Variants in KLHDC1 observed in about 807,000 individuals in gnomAD.
KLHDC1 encodes the protein kelch domain-containing protein 1.
In KLHDC1, 53 loss-of-function variants were observed where a neutral mutation model predicts 68.3. That is an observed-to-expected ratio of 0.78 (90% confidence interval 0.62 to 0.98). KLHDC1 has a LOEUF of 0.98. Among genes scored for constraint, KLHDC1 ranks in the 50% least tolerant of loss-of-function variants. The pLI, the probability that KLHDC1 is intolerant of heterozygous loss-of-function variation, is 0.00. For synonymous variants in KLHDC1, 148 were observed against 159.0 expected (o/e 0.93, Z 0.52); for missense variants, 470 against 492.3 (o/e 0.95, Z 0.43).
intron 1 of KLHDC1, chr14:49,707,913 C>G (rs1316797562): frequency 6.6e-6 from 1 of 151,966 alleles, no homozygotes; most frequent in Non-Finnish European, 1.5e-5. Context: ...GCCTTGGCCT[C>G]CCAAAGTGCT....
intron 12 of KLHDC1, among the ~76,000 whole-genome samples, chr14:49,747,909 A>T (rs570883582): frequency 6.6e-6 from 1 of 152,296 alleles, no homozygotes; most frequent in East Asian, 1.9e-4. Context: ...TTTGGCTGGG[A>T]TGGGTAACAA....
intron 4 of KLHDC1, among the ~76,000 whole-genome samples, chr14:49,718,769 CTTTTT>C (rs71115397): frequency 3.9e-5 from 3 of 76,846 alleles, no homozygotes; most frequent in African/African-American, 5.3e-5. Context: ...TTCTTTCTTT[CTTTTT>C]TTTTTTTTTT....
chr14:49,735,496 A>G (rs1358366931), intron 10 of KLHDC1, among the ~76,000 whole-genome samples: 2 of 152,160 alleles, frequency 1.3e-5, no homozygotes, highest in Non-Finnish European at 2.9e-5. Context: ...ATATGTATCT[A>G]TATTAATATT....
chr14:49,704,716 A>T (rs927743970), intron 1 of KLHDC1, among the ~76,000 whole-genome samples: 1 of 151,960 alleles, frequency 6.6e-6, no homozygotes, highest in Non-Finnish European at 1.5e-5. Context: ...TATTCTAACC[A>T]TTCCTAGAAA....
intron 4 of KLHDC1, among the ~76,000 whole-genome samples, chr14:49,715,036 A>G (rs1594660834): frequency 6.8e-6 from 1 of 147,530 alleles, no homozygotes; most frequent in African/African-American, 2.5e-5. Context: ...TTATGTATAC[A>G]TATATACTTA....
intron 4 of KLHDC1, among the ~76,000 whole-genome samples, chr14:49,717,373 A>G (rs1340945961): frequency 6.6e-6 from 1 of 152,078 alleles, no homozygotes; most frequent in Non-Finnish European, 1.5e-5. Context: ...ACCTATGCTT[A>G]TTTTGGGTGT....
rs1359906422 is a variant in KLHDC1 at position 49,709,726 on chromosome 14, AAGG to A, written c.188_190del (p.Gly63del). 6.3e-7 allele frequency: 1 copy of A among 1,594,006 alleles called. No individual in the cohort carries two copies. The highest frequency in any genetic ancestry group is 1.4e-5 in the African/African-American group (1 of 73,608). ...TGCTGCAGGAGAATGCACCTCATGG[AAGG>A]AGAACTCCCAGCCTCCATGTCAGGA... On this transcript the variant is annotated inframe_deletion, in exon 3 of 13. Coordinates refer to ENST00000359332, the MANE Select transcript of KLHDC1 (RefSeq NM_172193.3).
Position 49,740,266 on chromosome 14 carries a change from T to G in KLHDC1, c.981+84T>G, listed in dbSNP as rs561180809. 4 of 739,648 alleles carry G rather than the reference T, an allele frequency of 5.4e-6. No homozygotes were observed. The South Asian group carries it at 7.1e-5, about 13-fold the overall frequency. The allele number at this position is 739,648 out of a possible 1,614,324, so 45.8% of individuals were successfully genotyped here. On this transcript the variant is annotated intron_variant, in intron 11 of 12. Transcript: ENST00000359332. Reference sequence around the variant, plus strand: ...GGCTATTCAGCAAGAATGTTGATATTCTAACATTGCAAAATATGAAGGGCC... The same window carrying G: ...GGCTATTCAGCAAGAATGTTGATATGCTAACATTGCAAAATATGAAGGGCC...
At chr14:49,703,225 C>T (rs1371088397) in intron 1 of KLHDC1, among the ~76,000 whole-genome samples, 1 of 151,968 alleles carries the variant, frequency 6.6e-6, no homozygotes, top group African/African-American at 2.4e-5. Flanking sequence ...GCTCCCACTA[C>T]CCCCACTCAT....
chr14:49,738,362 A>T (rs1888982043), intron 10 of KLHDC1, among the ~76,000 whole-genome samples: 1 of 131,228 alleles, frequency 7.6e-6, no homozygotes. Context: ...TTTTTGAGTC[A>T]GAGTGTAGCT....
intron 4 of KLHDC1, among the ~76,000 whole-genome samples, chr14:49,713,850 ATTTTT>A (rs869250721): frequency 2.0e-5 from 1 of 50,222 alleles, no homozygotes; most frequent in East Asian, 1.0e-3. Flanking sequence ...ATATATATAT[ATTTTT>A]TTTTTTTTTT....
chr14:49,744,501 C>T (rs950631090), intron 12 of KLHDC1, among the ~76,000 whole-genome samples: 1 of 151,782 alleles, frequency 6.6e-6, no homozygotes, highest in African/African-American at 2.4e-5. Context: ...ATAGTCATTC[C>T]TTGGTATTTG....
At chr14:49,729,578 C>G (rs771036581) in intron 8 of KLHDC1, 30 bp downstream of exon 8, 2 of 1,449,976 alleles carry the variant, frequency 1.4e-6, no homozygotes, top group South Asian at 1.1e-5. Context: ...ACGTTTTAAT[C>G]TATAGGCATG....
At chr14:49,707,005 A>G (rs569411420) in intron 1 of KLHDC1, among the ~76,000 whole-genome samples, 1 of 152,132 alleles carries the variant, frequency 6.6e-6, no homozygotes, top group East Asian at 1.9e-4. Context: ...CCATTTGTCC[A>G]TTTTTGCTTT....
intron 4 of KLHDC1, among the ~76,000 whole-genome samples, chr14:49,722,876 C>T (rs537243940): frequency 6.6e-6 from 1 of 152,088 alleles, no homozygotes; most frequent in Non-Finnish European, 1.5e-5. Context: ...CACTTGAGGT[C>T]AGGAGTTCAA....
At chr14:49,728,634 A>G (rs924573667) in intron 6 of KLHDC1, among the ~76,000 whole-genome samples, 2 of 152,230 alleles carry the variant, frequency 1.3e-5, no homozygotes, top group Non-Finnish European at 2.9e-5. Flanking sequence ...TAAAATCTTT[A>G]TACAGTATTT....
chr14:49,709,853 CA>C lies in KLHDC1; in HGVS notation c.285+28del, dbSNP rs545722872. On this transcript the variant is annotated intron_variant, in intron 3 of 12. Coordinates refer to ENST00000359332, the MANE Select transcript of KLHDC1 (RefSeq NM_172193.3). ...TAATAATTTCTTTAATTCAAGAGTG[CA>C]GCAAAATGTAATATTTAATGCATCA... 4.3e-4 allele frequency: 495 copies of C among 1,163,500 alleles called. 1 individual carries two copies. The African/African-American group carries it at 6.3e-3, about 15-fold the overall frequency. 72.1% of individuals were successfully genotyped at this position (1,163,500 alleles called of 1,614,324 possible).
In KLHDC1 at chr14:49,707,736, G is replaced by A. The variant is rs569444418; in HGVS notation, c.97-1423G>A. On this transcript the variant is annotated intron_variant, in intron 1 of 12. Transcript: ENST00000359332. The stretch of plus-strand genomic sequence containing the variant: ...TACTATCATAGCTCACTACAGCCTC[G>A]AACTCCTGAGCTCCAGTGATCCTCC... The A allele has an allele frequency of 6.4e-5, 9 of 140,018 alleles. No individual in the cohort carries two copies. The East Asian group carries it at 1.1e-3, about 18-fold the overall frequency. 8.7% of individuals were successfully genotyped at this position (140,018 alleles called of 1,614,324 possible).
intron 1 of KLHDC1, among the ~76,000 whole-genome samples, chr14:49,693,742 C>CTTTTTATT (rs1566589138): frequency 1.6e-5 from 1 of 60,926 alleles, no homozygotes; most frequent in Admixed American, 1.5e-4. Flanking sequence ...ATTTTCTTTT[C>CTTTTTATT]TTTTTCTTTT....
Sources: gnomAD v4.1 joint callset for allele counts (sites outside exome capture counted in the v4.1 genomes callset) on GRCh38, gnomAD v4.1.1 for gene constraint, MANE v1.5 for transcripts, NCBI Gene and HGNC (gene_info 2026-07-23, HGNC 2026-07-21) for gene names.